HAPLN2: variants seen among roughly 807,000 people sequenced by gnomAD.
The protein encoded by HAPLN2 is hyaluronan and proteoglycan link protein 2.
Under a neutral mutation model 29.3 loss-of-function variants are expected in HAPLN2, and 27 were observed. The observed-to-expected ratio is 0.92, with a 90% CI of 0.68 to 1.27. HAPLN2 has a LOEUF of 1.27. Among genes scored for constraint, HAPLN2 ranks in the 50% most tolerant of loss-of-function variants. The pLI is 0.00. For synonymous variants in HAPLN2, 208 were observed against 211.7 expected (o/e 0.98, Z 0.15); for missense variants, 454 against 484.3 (o/e 0.94, Z 0.59).
At chr1:156,605,001 C>T in the HAPLN2 span, among the ~76,000 whole-genome samples, 3 of 151,448 alleles carry the variant, frequency 2.0e-5, no homozygotes, top group Non-Finnish European at 1.5e-5. Flanking sequence ...AGCAGTGGCT[C>T]ACACCTGTAA....
chr1:156,623,410 C>G, intron 2 of HAPLN2, 57 bp from the exon 3 acceptor site: 1 of 1,451,550 alleles, frequency 6.9e-7, no homozygotes, highest in Admixed American at 1.8e-5. Flanking sequence ...CACAACCCTG[C>G]TCTTCCCCAC....
At chr1:156,618,515 C>T (rs1678118265), upstream of HAPLN2, among the ~76,000 whole-genome samples, 1 of 151,910 alleles carries the variant, frequency 6.6e-6, no homozygotes. Flanking sequence ...CACGGTGGCT[C>T]ACGCCTGTAA....
chr1:156,625,189 G>A lies in HAPLN2; in HGVS notation c.828G>A (p.Gly276=). ...GCGGCGCCGTGGTGGCCAAGGTTGG[G>A]CACCTCTACGCCGCCTGGAAGTTTT... is the stretch of plus-strand genomic sequence containing the variant. ...RRRGAVVAKV[G]HLYAAWKFSG... The change falls in exon 7 of 7, where the codon GGG becomes GGA. Residue 276 remains glycine, a synonymous_variant. Transcript: ENST00000255039. This position sits in a 1 kb window ranked among gnomAD's most constrained non-coding sequence, Gnocchi z 5.7. The A allele has an allele frequency of 6.4e-7, 1 of 1,550,976 alleles. No homozygotes were observed. The highest frequency in any genetic ancestry group is 1.9e-5 in the Admixed American group (1 of 51,424).
intron 4 of HAPLN2, 23 bp from the exon 5 acceptor site, chr1:156,624,328 C>G (rs898421912): frequency 6.3e-7 from 1 of 1,583,300 alleles, no homozygotes. Context: ...CTGGCCCTCC[C>G]CAGGATCCCC....
At position 156,625,111 on chromosome 1, in the gene HAPLN2, C is replaced by A. The variant is rs1172733450; in HGVS notation, c.750C>A (p.Phe250Leu). The A allele has an allele frequency of 1.9e-6, 3 of 1,538,540 alleles. No homozygotes were observed. Among genetic ancestry groups the A allele is most frequent in the South Asian group, 2.4e-5 (2 of 83,926 alleles). ...CGCTGTGGTCCCCAGGCCAAGTGTT[C>A]TTCGTGCCCGGGCGGCTGACGCTGT... is the stretch of plus-strand genomic sequence containing the variant. ...CFTSALAGQVFFVPGRLTLSE... is the reference protein window; with the variant it reads ...CFTSALAGQVLFVPGRLTLSE... Residue 250 changes from phenylalanine (F) to leucine (L), a missense_variant, in exon 7 of 7, where the codon TTC becomes TTA. Phe to Leu is a conservative substitution (Grantham distance 22). This residue lies in a region of HAPLN2 where 235 missense variants were observed against 236.9 expected (regional missense o/e 0.99). Coordinates refer to ENST00000255039, the MANE Select transcript of HAPLN2 (RefSeq NM_021817.3). The surrounding 1 kb of genome is among the most constrained non-coding windows in gnomAD (Gnocchi z 5.7).
At chr1:156,620,771 A>G (rs140235263) in intron 2 of HAPLN2, among the ~76,000 whole-genome samples, 175 of 152,286 alleles carry the variant, frequency 1.1e-3, no homozygotes, top group African/African-American at 3.8e-3. Flanking sequence ...ATGAATCCTT[A>G]ATGTAAGTTC....
chr1:156,624,817 G>A (rs1020559423), intron 6 of HAPLN2, 34 bp downstream of exon 6: 70 of 1,460,710 alleles, frequency 4.8e-5, no homozygotes, highest in African/African-American at 5.7e-5. Context: ...GTCTTGGGGA[G>A]GGGTCTGAAA....
the HAPLN2 span, among the ~76,000 whole-genome samples, chr1:156,609,352 T>TAA: frequency 6.6e-6 from 1 of 152,262 alleles, no homozygotes; most frequent in Non-Finnish European, 1.5e-5. Flanking sequence ...TGAATGTATA[T>TAA]AAATGCCTTG....
At chr1:156,612,773 T>G in the HAPLN2 span, among the ~76,000 whole-genome samples, 1 of 152,156 alleles carries the variant, frequency 6.6e-6, no homozygotes, top group African/African-American at 2.4e-5. Flanking sequence ...CCTTGCATGC[T>G]GGAGATACAA....
intron 3 of HAPLN2, 23 bp from the exon 4 acceptor site, chr1:156,623,784 C>T: frequency 6.8e-7 from 1 of 1,478,450 alleles, no homozygotes; most frequent in Non-Finnish European, 9.0e-7. Flanking sequence ...GGGGTTCCTG[C>T]CACTGTGGCC....
At chr1:156,623,037 A>AAAAAAAAAAAAAAAAAAAAAT (rs551908025) in intron 2 of HAPLN2, among the ~76,000 whole-genome samples, 1 of 111,424 alleles carries the variant, frequency 9.0e-6, no homozygotes, top group Non-Finnish European at 1.8e-5. Flanking sequence ...CTGTCTCAAA[A>AAAAAAAAAAAAAAAAAAAAAT]AAATAAATAA....
At chr1:156,624,966 C>T (rs1678399418) in intron 6 of HAPLN2, 135 bp from the exon 7 acceptor site, 3 of 1,017,032 alleles carry the variant, frequency 2.9e-6, no homozygotes, top group African/African-American at 1.7e-5. Flanking sequence ...GCACTTTTGC[C>T]TCGATCCCCC....
intron 2 of HAPLN2, among the ~76,000 whole-genome samples, chr1:156,622,748 C>T (rs929976181): frequency 1.3e-5 from 2 of 151,946 alleles, no homozygotes; most frequent in Non-Finnish European, 2.9e-5. Flanking sequence ...GGATTTTATC[C>T]TCAGGGCAAC....
chr1:156,602,735 C>T, the HAPLN2 span, among the ~76,000 whole-genome samples: 1 of 151,286 alleles, frequency 6.6e-6, no homozygotes, highest in African/African-American at 2.4e-5. Flanking sequence ...TTGGACTTGC[C>T]CTGTCGGTAT....
the HAPLN2 span, among the ~76,000 whole-genome samples, chr1:156,610,687 A>G: frequency 1.3e-5 from 2 of 152,056 alleles, no homozygotes; most frequent in African/African-American, 4.8e-5. Flanking sequence ...AACGGTTTGT[A>G]TATCATGATC....
the HAPLN2 span, among the ~76,000 whole-genome samples, chr1:156,611,553 G>A: frequency 3.3e-5 from 5 of 151,936 alleles, no homozygotes; most frequent in East Asian, 1.9e-4. Flanking sequence ...CAACAAGAGC[G>A]AAACTCTATC....
the HAPLN2 span, among the ~76,000 whole-genome samples, chr1:156,611,252 C>T: frequency 7.7e-6 from 1 of 129,080 alleles, no homozygotes; most frequent in East Asian, 2.5e-4. Context: ...CCAGCCTGGG[C>T]CAGAGTGAGA....
chr1:156,625,257 G>C lies in HAPLN2; in HGVS notation c.896G>C (p.Ser299Thr). 1 of 1,575,380 alleles carries C rather than the reference G, an allele frequency of 6.3e-7. No homozygotes were observed. The highest frequency in any genetic ancestry group is 8.6e-7 in the Non-Finnish European group (1 of 1,161,612). ...QCDGGWLADG[S>T]VRFPITTPRP... is the part of the protein sequence containing the mutation. ...GACGGCGGCTGGCTGGCTGACGGCA[G>C]TGTGCGCTTCCCAATCACCACGCCG... is the stretch of plus-strand genomic sequence containing the variant. The change falls in exon 7 of 7, where the codon AGT (serine) becomes ACT (threonine). Residue 299 changes from serine (S) to threonine (T), a missense_variant. Transcript: ENST00000255039. The surrounding 1 kb of genome is among the most constrained non-coding windows in gnomAD (Gnocchi z 5.7).
intron 2 of HAPLN2, among the ~76,000 whole-genome samples, chr1:156,621,273 T>C (rs1459288648): frequency 2.6e-5 from 4 of 151,800 alleles, no homozygotes; most frequent in Non-Finnish European, 4.4e-5. Flanking sequence ...CCCAGCTGAA[T>C]TTCGTATTTT....
Sources: gnomAD v4.1 joint callset for allele counts (sites outside exome capture counted in the v4.1 genomes callset) on GRCh38, gnomAD v4.1.1 for gene constraint, gnomAD v4.1.1 regional missense constraint, Gnocchi (gnomAD v3.1) non-coding constraint, MANE v1.5 for transcripts, NCBI Gene and HGNC (gene_info 2026-07-23, HGNC 2026-07-21) for gene names.